The following DACH1 variants were observed in gnomAD, a reference collection of about 807,000 sequenced individuals.
DACH1 encodes the protein dachshund family transcription factor 1.
A neutral mutation model predicts 54.2 loss-of-function variants in DACH1; 12 were observed. The observed-to-expected ratio is 0.22, with a 90% confidence interval of 0.14 to 0.36. The LOEUF is 0.36. Ranked by LOEUF, DACH1 falls within the 10% of genes least tolerant of loss-of-function variation. The pLI, the probability that DACH1 is intolerant of heterozygous loss-of-function variation, is 1.00. For missense variants in DACH1, 805 were observed against 929.8 expected, an observed-to-expected ratio of 0.87 and a Z score of 1.75; for synonymous variants, 386 against 366.2, an observed-to-expected ratio of 1.05 and a Z score of -0.62.
chr13:71,692,672 A>G (rs2138727450), intron 1 of DACH1, among the ~76,000 whole-genome samples: 1 of 150,966 alleles, frequency 6.6e-6, no homozygotes, highest in Non-Finnish European at 1.5e-5. Flanking sequence ...ACAGGCGTGC[A>G]CCACCATGCC....
chr13:71,735,222 CAT>C (rs1371706638), intron 1 of DACH1, among the ~76,000 whole-genome samples: 1 of 121,018 alleles, frequency 8.3e-6, no homozygotes, highest in East Asian at 2.2e-4. Flanking sequence ...ATGGGATATA[CAT>C]ATGTATATGG....
intron 1 of DACH1, among the ~76,000 whole-genome samples, chr13:71,774,065 C>T (rs928700447): frequency 6.6e-6 from 1 of 151,272 alleles, no homozygotes; most frequent in African/African-American, 2.4e-5. Flanking sequence ...AACAAATTTT[C>T]AAAATGATAT....
intron 1 of DACH1, among the ~76,000 whole-genome samples, chr13:71,790,426 A>G (rs1202523929): frequency 1.3e-5 from 2 of 152,174 alleles, no homozygotes; most frequent in Non-Finnish European, 1.5e-5. Context: ...CGAGAAGTCA[A>G]CATGACTCTT....
intron 2 of DACH1, among the ~76,000 whole-genome samples, chr13:71,654,473 A>AT (rs1566409197): frequency 1.6e-5 from 2 of 126,070 alleles, no homozygotes; most frequent in Non-Finnish European, 3.2e-5. Context: ...ATAAAATAAA[A>AT]TAAAATAAAA....
chr13:71,475,725 A>C lies in DACH1; in HGVS notation c.1995T>G (p.Asp665Glu), dbSNP rs765121415. The C allele has an allele frequency of 8.7e-6, 14 of 1,613,024 alleles. No homozygotes were observed. The East Asian group carries it at 3.1e-4, about 36-fold the overall frequency. Residue 665 changes from aspartate (D) to glutamate (E), a missense_variant, in exon 9 of 11, where the codon GAT (aspartate) becomes GAG (glutamate). By Grantham distance (45) the Asp-to-Glu change is conservative. Around this residue, in one of 3 missense-constraint regions of DACH1, gnomAD observed 472 missense variants for 545.3 expected, o/e 0.87. Coordinates refer to ENST00000613252, the MANE Select transcript of DACH1 (RefSeq NM_080759.6). ...EQTLKQAASTDSLRVLNDSLT... is the reference protein window; with the variant it reads ...EQTLKQAASTESLRVLNDSLT... ...TCTTACCATTTAAGACCCTGAGACT[A>C]TCTGTTGAAGCTGCCTGTTTTAGCG... is the stretch of plus-strand genomic sequence containing the variant.
intron 1 of DACH1, among the ~76,000 whole-genome samples, chr13:71,786,422 G>A (rs1484188636): frequency 1.3e-5 from 2 of 152,082 alleles, no homozygotes; most frequent in Non-Finnish European, 2.9e-5. Context: ...GGCAGGTGAA[G>A]TATATTTTGT....
chr13:71,866,512 G>T lies in DACH1; in HGVS notation c.258C>A (p.Gly86=). The T allele has an allele frequency of 8.2e-7, 1 of 1,215,400 alleles. No individual in the cohort carries two copies. Among genetic ancestry groups the T allele is most frequent in the African/African-American group, 1.8e-5 (1 of 54,724 alleles). 75.3% of individuals were successfully genotyped at this position (1,215,400 alleles called of 1,614,324 possible). Residue 86 remains glycine (G), a synonymous_variant, in exon 1 of 11, where the codon GGC becomes GGA. Transcript: ENST00000613252. The stretch of plus-strand genomic sequence containing the variant: ...CGCCGCCTCCGTTGCCGCTGCTGCC[G>T]CCGCCGCCTCCGCTGCCGCCGCCGC... ...GGGGGGSGGG[G]GSSGNGGGGG...
intron 10 of DACH1, among the ~76,000 whole-genome samples, chr13:71,461,735 A>ATAAC (rs1335740220): frequency 6.6e-6 from 1 of 152,008 alleles, no homozygotes; most frequent in Non-Finnish European, 1.5e-5. Flanking sequence ...GAAATTGTAT[A>ATAAC]TAACTTCTCT....
chr13:71,595,541 A>G (rs1461732196), intron 3 of DACH1, among the ~76,000 whole-genome samples: 1 of 152,148 alleles, frequency 6.6e-6, no homozygotes, highest in Non-Finnish European at 1.5e-5. Flanking sequence ...TAGATGTATA[A>G]CAGAGGGAAG....
chr13:71,798,573 T>A (rs1280082034), intron 1 of DACH1, among the ~76,000 whole-genome samples: 1 of 151,914 alleles, frequency 6.6e-6, no homozygotes, highest in African/African-American at 2.4e-5. Flanking sequence ...TATTTAAATA[T>A]GTTAATATTT....
In DACH1 at chr13:71,681,895, C is replaced by A; in HGVS notation, c.864G>T (p.Arg288Ser). 6.2e-7 allele frequency: 1 copy of A among 1,611,630 alleles called. No individual in the cohort carries two copies. The change falls in exon 2 of 11, where the codon AGG (arginine) becomes AGT (serine). Residue 288 changes from arginine to serine, a missense_variant. Coordinates refer to ENST00000613252, the MANE Select transcript of DACH1 (RefSeq NM_080759.6). ...TGACACTTTGAGTCCTCTTAGGAGG[C>A]CTTCCAGGTCTAGAACTGAAACAAA... ...DCTNASSRPGRPPKRTQSVTS... is the reference protein window; with the variant it reads ...DCTNASSRPGSPPKRTQSVTS...
At chr13:71,459,631 A>G (rs1875895399) in intron 10 of DACH1, among the ~76,000 whole-genome samples, 1 of 151,992 alleles carries the variant, frequency 6.6e-6, no homozygotes, top group Non-Finnish European at 1.5e-5. Flanking sequence ...TAAAACTGAA[A>G]TTAAAACTGA....
chr13:71,697,272 G>T (rs1002478015), intron 1 of DACH1, among the ~76,000 whole-genome samples: 2 of 152,184 alleles, frequency 1.3e-5, no homozygotes, highest in Non-Finnish European at 2.9e-5. Flanking sequence ...CTGGGTGAAG[G>T]AAGGAATGGA....
intron 8 of DACH1, among the ~76,000 whole-genome samples, chr13:71,477,104 A>ATATATTTTT (rs1566282945): frequency 2.3e-5 from 1 of 43,254 alleles, no homozygotes; most frequent in African/African-American, 8.6e-5. Flanking sequence ...ATATATATAT[A>ATATATTTTT]TTTTTTTTTT....
At chr13:71,729,417 G>C (rs996904372) in intron 1 of DACH1, among the ~76,000 whole-genome samples, 1 of 151,860 alleles carries the variant, frequency 6.6e-6, no homozygotes. Context: ...TCCTCTTTAG[G>C]AAAAGTAAAT....
chr13:71,631,863 CAG>C (rs1244082188), intron 2 of DACH1, among the ~76,000 whole-genome samples: 1 of 152,138 alleles, frequency 6.6e-6, no homozygotes, highest in African/African-American at 2.4e-5. Flanking sequence ...CTTTGGGAGG[CAG>C]AGACAGGCGG....
chr13:71,866,341 G>GCTA lies in DACH1; in HGVS notation c.428_429insTAG (p.Ser163dup), dbSNP rs1356075673. On this transcript the variant is annotated inframe_insertion, in exon 1 of 11. Transcript: ENST00000613252. ...TGCTGCTGCTGCTGCTGCTACTGCT[G>GCTA]CTGCTGCTGCTGCCGGTGCTGGCGT... is the stretch of plus-strand genomic sequence containing the variant. The GCTA allele has an allele frequency of 6.5e-7, 1 of 1,530,760 alleles. No individual in the cohort carries two copies. Among genetic ancestry groups the GCTA allele is most frequent in the Non-Finnish European group, 8.8e-7 (1 of 1,137,940 alleles). The allele number at this position is 1,530,760 out of a possible 1,614,324, so 94.8% of individuals were successfully genotyped here.
chr13:71,838,328 C>A (rs74857192), intron 1 of DACH1, among the ~76,000 whole-genome samples: 1 of 152,060 alleles, frequency 6.6e-6, no homozygotes, highest in East Asian at 1.9e-4. Context: ...AAAAGGAGTT[C>A]AGTGAGAACA....
intron 1 of DACH1, among the ~76,000 whole-genome samples, chr13:71,854,653 C>T (rs568452412): frequency 2.0e-5 from 3 of 152,010 alleles, no homozygotes; most frequent in Non-Finnish European, 4.4e-5. Flanking sequence ...ATTAGGTTGC[C>T]TTTTCTGAAA....
Sources: allele counts gnomAD v4.1 joint callset (sites outside exome capture counted in the v4.1 genomes callset), GRCh38; gene constraint gnomAD v4.1.1; regional missense constraint gnomAD v4.1.1; transcripts MANE v1.5; gene names NCBI Gene and HGNC (gene_info 2026-07-23, HGNC 2026-07-21).